Variants in SFXN1 observed in about 807,000 individuals in gnomAD.
SFXN1 encodes sideroflexin 1.
A neutral mutation model predicts 39.5 loss-of-function variants in SFXN1; 32 were observed. That is an observed-to-expected ratio of 0.81 (90% CI 0.61 to 1.09). The LOEUF is 1.09. SFXN1 is among the 50% of genes least tolerant of loss of function. SFXN1 has a pLI of 0.00. For missense variants in SFXN1, 402 were observed against 407.1 expected, an observed-to-expected ratio of 0.99 and a Z score of 0.11; for synonymous variants, 136 against 146.5, an observed-to-expected ratio of 0.93 and a Z score of 0.52.
At chr5:175,498,462 C>T (rs1375601445) in intron 2 of SFXN1, among the ~76,000 whole-genome samples, 2 of 152,106 alleles carry the variant, frequency 1.3e-5, no homozygotes, top group Non-Finnish European at 2.9e-5. Flanking sequence ...ACGATCTGAC[C>T]GCAGAGTTCA....
Position 175,505,344 on chromosome 5 carries a change from G to A in SFXN1, c.165-3688G>A, listed in dbSNP as rs565598795. The stretch of plus-strand genomic sequence containing the variant: ...GAGGTTAAGAGTTCAAGACCAGCCT[G>A]GCCAACATGGTGAAACCCCATCTCT... On this transcript the variant is annotated intron_variant, in intron 2 of 10. Transcript: ENST00000321442. Among the ~76,000 whole-genome samples the A allele has an allele frequency of 2.6e-5, 4 of 151,744 alleles. No homozygotes were observed. In the East Asian group the frequency reaches 7.8e-4, roughly 30 times the overall value.
At chr5:175,494,708 T>G (rs1759790502) in intron 2 of SFXN1, among the ~76,000 whole-genome samples, 1 of 149,564 alleles carries the variant, frequency 6.7e-6, no homozygotes, top group African/African-American at 2.5e-5. Flanking sequence ...GCCGAGATCA[T>G]GCCACTGCAC....
At chr5:175,481,003 C>A (rs1416409575) in intron 1 of SFXN1, among the ~76,000 whole-genome samples, 2 of 152,190 alleles carry the variant, frequency 1.3e-5, no homozygotes, top group African/African-American at 4.8e-5. Context: ...ACACAAAGTT[C>A]AAAGTTACTA....
intron 8 of SFXN1, among the ~76,000 whole-genome samples, chr5:175,518,641 A>G (rs994055804): frequency 7.2e-5 from 11 of 152,340 alleles, no homozygotes; most frequent in Middle Eastern, 3.4e-3. Context: ...CACATGCTCT[A>G]CAGAAGCTCA....
chr5:175,492,817 T>C (rs1759710004), intron 2 of SFXN1, among the ~76,000 whole-genome samples: 1 of 152,094 alleles, frequency 6.6e-6, no homozygotes, highest in African/African-American at 2.4e-5. Flanking sequence ...ATGCTACCGG[T>C]GTAGAGATAT....
chr5:175,512,500 A>G (rs1024744842), intron 6 of SFXN1, among the ~76,000 whole-genome samples: 3 of 152,162 alleles, frequency 2.0e-5, no homozygotes, highest in African/African-American at 7.2e-5. Context: ...TCAAGCTTAC[A>G]TTGAGTTGTG....
intron 10 of SFXN1, chr5:175,526,040 A>G (rs1269431900): frequency 6.6e-6 from 1 of 151,904 alleles, no homozygotes; most frequent in East Asian, 1.9e-4. Context: ...TTTAATATAT[A>G]TACACCCATA....
At chr5:175,494,456 A>G (rs778988562) in intron 2 of SFXN1, among the ~76,000 whole-genome samples, 1 of 152,240 alleles carries the variant, frequency 6.6e-6, no homozygotes, top group Non-Finnish European at 1.5e-5. Flanking sequence ...AACAGAAAAT[A>G]TGCAAGTGCA....
rs1470885767 is a variant in SFXN1 at position 175,512,124 on chromosome 5, T to C, written c.524T>C (p.Leu175Pro). ...TCTCCTCTGCAGCATGTCTCACCAC[T>C]GATAGGACGTTTTGTTCCCTTTGCT... Reference protein sequence around the residue: ...LNALTKHVSPLIGRFVPFAAV... With the variant: ...LNALTKHVSPPIGRFVPFAAV... The change falls in exon 6 of 11, where the codon CTG becomes CCG. Residue 175 changes from leucine (L) to proline (P), a missense_variant. Leu to Pro is a moderately conservative substitution (Grantham distance 98). Transcript: ENST00000321442. 1 of 1,614,064 alleles carries C rather than the reference T, an allele frequency of 6.2e-7. No homozygotes were observed. Among genetic ancestry groups the C allele is most frequent in the Non-Finnish European group, 8.5e-7 (1 of 1,180,034 alleles).
At chr5:175,502,260 A>C (rs1366951917) in intron 2 of SFXN1, among the ~76,000 whole-genome samples, 10 of 152,154 alleles carry the variant, frequency 6.6e-5, no homozygotes, top group African/African-American at 2.2e-4. Flanking sequence ...CATGACCCCT[A>C]AACTGTAATT....
intron 2 of SFXN1, among the ~76,000 whole-genome samples, chr5:175,505,656 T>C (rs976300792): frequency 2.6e-5 from 4 of 151,996 alleles, no homozygotes; most frequent in African/African-American, 9.7e-5. Context: ...ACGGTTGCTC[T>C]ACCCAAGATT....
At chr5:175,516,692 C>G in intron 8 of SFXN1, 29 bp downstream of exon 8, 1 of 1,605,756 alleles carries the variant, frequency 6.2e-7, no homozygotes, top group Non-Finnish European at 8.5e-7. Context: ...GTCATTTTCT[C>G]AACCCTTTTT....
chr5:175,487,784 G>GA (rs1759503902), intron 1 of SFXN1, among the ~76,000 whole-genome samples: 1 of 151,984 alleles, frequency 6.6e-6, no homozygotes, highest in Non-Finnish European at 1.5e-5. Context: ...GGTGCCTCAC[G>GA]CTTACTCCGT....
chr5:175,494,990 A>T (rs1459627971), intron 2 of SFXN1, among the ~76,000 whole-genome samples: 12 of 152,206 alleles, frequency 7.9e-5, no homozygotes, highest in Admixed American at 5.9e-4. Context: ...TTGTACACTC[A>T]TGTACATAGC....
intron 2 of SFXN1, among the ~76,000 whole-genome samples, chr5:175,502,093 G>A (rs1480603528): frequency 6.6e-6 from 1 of 152,158 alleles, no homozygotes; most frequent in African/African-American, 2.4e-5. Context: ...CTTCCTGGGT[G>A]CGATGGCAGA....
At chr5:175,491,670 A>T (rs1316992979) in intron 1 of SFXN1, 1 of 152,934 alleles carries the variant, frequency 6.5e-6, no homozygotes, top group Non-Finnish European at 1.5e-5. Context: ...AATTTTTTGT[A>T]GAGATGGGGT....
chr5:175,489,537 A>G (rs562639672), intron 1 of SFXN1, among the ~76,000 whole-genome samples: 2 of 152,334 alleles, frequency 1.3e-5, no homozygotes, highest in Admixed American at 1.3e-4. Context: ...TTCAAAATTT[A>G]GTCATGTCTG....
At chr5:175,524,410 A>G (rs1054763960) in intron 10 of SFXN1, among the ~76,000 whole-genome samples, 1 of 151,662 alleles carries the variant, frequency 6.6e-6, no homozygotes, top group Non-Finnish European at 1.5e-5. Context: ...GTGTGTACCT[A>G]TAGTCCATTC....
At chr5:175,507,068 C>CT (rs1760334130) in intron 2 of SFXN1, among the ~76,000 whole-genome samples, 1 of 152,194 alleles carries the variant, frequency 6.6e-6, no homozygotes, top group African/African-American at 2.4e-5. Flanking sequence ...CATGCTCCCT[C>CT]TAAGAATCCT....
Sources: allele counts gnomAD v4.1 joint callset (sites outside exome capture counted in the v4.1 genomes callset), GRCh38; gene constraint gnomAD v4.1.1; transcripts MANE v1.5; gene names NCBI Gene and HGNC (gene_info 2026-07-23, HGNC 2026-07-21).